PREX2: variants seen among roughly 807,000 people sequenced by gnomAD.
PREX2 encodes phosphatidylinositol 3,4,5-trisphosphate-dependent Rac exchanger 2 protein.
Under a neutral mutation model 203.2 loss-of-function variants are expected in PREX2, and 107 were observed. The observed-to-expected ratio is 0.53, with a 90% CI of 0.45 to 0.62. The LOEUF (loss-of-function observed/expected upper bound fraction) is 0.62, where lower values mean the gene tolerates loss of function less well. Ranked by LOEUF, PREX2 falls within the 20% of genes least tolerant of loss-of-function variation. The pLI is 0.00. For missense variants in PREX2, 1,777 were observed against 1,955.9 expected (o/e 0.91, Z 1.72); for synonymous variants, 672 against 663.6 (o/e 1.01, Z -0.19).
In PREX2 at chr8:68,192,481, G is replaced by T. The variant is rs754025948; in HGVS notation, c.4560G>T (p.Arg1520Ser). 1 of 1,611,950 alleles carries T rather than the reference G, an allele frequency of 6.2e-7. No homozygotes were observed. The highest frequency in any genetic ancestry group is 1.1e-5 in the South Asian group (1 of 90,966). The change falls in exon 37 of 40, where the codon AGG (arginine) becomes AGT (serine). Residue 1520 changes from arginine to serine, a missense_variant. Arg to Ser is a moderately radical substitution (Grantham distance 110). Transcript: ENST00000288368. ...CAGTTTCCTCGGAGCTGTGCAACAG[G>T]CTGGGCGCCTGCCACATCATCATGT... ...LLSVSSELCN[R>S]LGACHIIMCS...
At position 68,115,726 on chromosome 8, in the gene PREX2, G is replaced by A. The variant is rs192281012; in HGVS notation, c.3147-27G>A. 292 of 1,547,734 alleles carry A rather than the reference G, an allele frequency of 1.9e-4. No individual in the cohort carries two copies. In the African/African-American group the frequency reaches 3.5e-3, roughly 18 times the overall value. On this transcript the variant is annotated intron_variant, in intron 25 of 39. Transcript: ENST00000288368. ...TATATAGCAGACAGTTTGAAAATGT[G>A]CATTTTTTTTTAATATTACATTGCA... is the stretch of plus-strand genomic sequence containing the variant.
At chr8:68,189,742 A>T (rs1023517395) in intron 35 of PREX2, among the ~76,000 whole-genome samples, 2 of 152,122 alleles carry the variant, frequency 1.3e-5, no homozygotes, top group African/African-American at 4.8e-5. Flanking sequence ...CACTCCCATC[A>T]GTGTTATGTG....
intron 14 of PREX2, among the ~76,000 whole-genome samples, chr8:68,076,533 A>T (rs923424300): frequency 6.6e-6 from 1 of 152,130 alleles, no homozygotes; most frequent in Non-Finnish European, 1.5e-5. Context: ...AAGAAACACC[A>T]TATGAAGGTA....
chr8:68,121,188 T>A, intron 30 of PREX2, 139 bp downstream of exon 30: 1 of 872,832 alleles, frequency 1.1e-6, no homozygotes, highest in South Asian at 1.6e-5. Context: ...CTGAAAATGG[T>A]GAGGGAGGAA....
intron 35 of PREX2, 59 bp downstream of exon 35, chr8:68,157,495 A>G: frequency 2.3e-6 from 2 of 853,324 alleles, no homozygotes; most frequent in South Asian, 3.5e-5. Flanking sequence ...AAATGTATTA[A>G]TAGGACTTTT....
At chr8:67,955,147 C>CAAAAAAAA (rs1183491822) in intron 1 of PREX2, among the ~76,000 whole-genome samples, 2 of 51,930 alleles carry the variant, frequency 3.9e-5, no homozygotes, top group Non-Finnish European at 6.9e-5. Context: ...GACTCCATCT[C>CAAAAAAAA]AAAAAAAAAA....
chr8:67,959,652 C>T (rs1040543331), intron 1 of PREX2, among the ~76,000 whole-genome samples: 5 of 152,074 alleles, frequency 3.3e-5, no homozygotes, highest in Non-Finnish European at 5.9e-5. Flanking sequence ...TGTAACATAC[C>T]CATAGTAAAA....
intron 30 of PREX2, among the ~76,000 whole-genome samples, chr8:68,121,318 G>T (rs1020613395): frequency 2.0e-5 from 3 of 151,604 alleles, no homozygotes; most frequent in African/African-American, 7.3e-5. Context: ...AACGTGAAGA[G>T]AATTTAAGAC....
intron 8 of PREX2, among the ~76,000 whole-genome samples, chr8:68,047,342 TC>T (rs1232819186): frequency 6.6e-6 from 1 of 151,418 alleles, no homozygotes; most frequent in Non-Finnish European, 1.5e-5. Context: ...TGCCAAGTAC[TC>T]CCCATACTTG....
chr8:68,048,180 C>A (rs575788971), intron 8 of PREX2, among the ~76,000 whole-genome samples: 1 of 151,964 alleles, frequency 6.6e-6, no homozygotes, highest in Admixed American at 6.6e-5. Flanking sequence ...TTTGAAGATT[C>A]TTTCTGGGTC....
chr8:68,041,070 G>A (rs1808181783), intron 7 of PREX2, among the ~76,000 whole-genome samples: 1 of 152,100 alleles, frequency 6.6e-6, no homozygotes, highest in Non-Finnish European at 1.5e-5. Context: ...AGTTTCCTGA[G>A]CCTTTATGTA....
intron 1 of PREX2, among the ~76,000 whole-genome samples, chr8:68,017,092 A>G (rs918840146): frequency 2.0e-5 from 3 of 152,168 alleles, no homozygotes; most frequent in Non-Finnish European, 4.4e-5. Flanking sequence ...TTTCTTTTTC[A>G]AGGCTCAATA....
chr8:68,105,627 T>C, intron 23 of PREX2: 1 of 1,048,816 alleles, frequency 9.5e-7, no homozygotes. Context: ...ATTGTATATA[T>C]ACAGTCATGC....
At chr8:68,093,531 G>T in intron 20 of PREX2, 74 bp from the exon 21 acceptor site, 5 of 622,198 alleles carry the variant, frequency 8.0e-6, no homozygotes, top group Non-Finnish European at 1.4e-5. Context: ...AATAAATAAG[G>T]CCAAGTCTCC....
At chr8:68,063,871 G>A (rs777797271) in intron 11 of PREX2, among the ~76,000 whole-genome samples, 1 of 152,160 alleles carries the variant, frequency 6.6e-6, no homozygotes, top group South Asian at 2.1e-4. Flanking sequence ...AGAGGTATGA[G>A]CCAAATGTGC....
rs796881040 is a variant in PREX2 at position 67,966,712 on chromosome 8, G to A, written c.141+14177G>A. Among the ~76,000 whole-genome samples, 18 of 152,298 alleles carry A rather than the reference G, an allele frequency of 1.2e-4. 2 individuals carry two copies. Among genetic ancestry groups the A allele is most frequent in the Admixed American group, 3.9e-4 (6 of 15,294 alleles). On this transcript the variant is annotated intron_variant, in intron 1 of 39. Transcript: ENST00000288368. ...TATTAAGTGAAAAAACTTATTTTCAGCAATGAATCAGGCAACCTAAAAAAT... is the reference window on the plus strand; with the variant it reads ...TATTAAGTGAAAAAACTTATTTTCAACAATGAATCAGGCAACCTAAAAAAT...
chr8:68,110,093 T>TC (rs1169686628), intron 25 of PREX2, among the ~76,000 whole-genome samples: 5 of 152,198 alleles, frequency 3.3e-5, no homozygotes, highest in South Asian at 4.1e-4. Flanking sequence ...AATTTTTTTT[T>TC]CTGTTCTGAT....
intron 39 of PREX2, 46 bp downstream of exon 39, chr8:68,224,672 A>G (rs749408294): frequency 1.9e-5 from 28 of 1,460,586 alleles, no homozygotes; most frequent in Non-Finnish European, 2.7e-5. Flanking sequence ...ATTTGCCAGC[A>G]TTTTCCCCGG....
At chr8:68,161,078 T>C (rs1378737068) in intron 35 of PREX2, among the ~76,000 whole-genome samples, 1 of 152,046 alleles carries the variant, frequency 6.6e-6, no homozygotes, top group Admixed American at 6.6e-5. Context: ...AAATTTTCTT[T>C]TCTTTTCTTT....
Sources: gnomAD v4.1 joint callset for allele counts (sites outside exome capture counted in the v4.1 genomes callset) on GRCh38, gnomAD v4.1.1 for gene constraint, MANE v1.5 for transcripts, NCBI Gene and HGNC (gene_info 2026-07-23, HGNC 2026-07-21) for gene names.